Variants in COL22A1 observed in about 807,000 individuals in gnomAD.
The protein encoded by COL22A1 is collagen type XXII alpha 1 chain.
A neutral mutation model predicts 248.9 loss-of-function variants in COL22A1; 221 were observed. That is an observed-to-expected ratio of 0.89 (90% CI 0.80 to 0.99). The LOEUF is 0.99. Ranked by LOEUF, COL22A1 falls within the 50% of genes least tolerant of loss-of-function variation. COL22A1 has a pLI of 0.00. For synonymous variants in COL22A1, 891 were observed against 793.4 expected (o/e 1.12, Z -2.07); for missense variants, 2,240 against 2,179.0 (o/e 1.03, Z -0.56).
intron 35 of COL22A1, among the ~76,000 whole-genome samples, chr8:138,692,267 T>C (rs1423679088): frequency 2.4e-5 from 2 of 84,826 alleles, no homozygotes; most frequent in African/African-American, 4.4e-5. Context: ...CGTGTGTGCA[T>C]GTTTGTGTGC....
At chr8:138,720,079 C>A (rs1317792140) in intron 27 of COL22A1, among the ~76,000 whole-genome samples, 1 of 152,156 alleles carries the variant, frequency 6.6e-6, no homozygotes, top group Non-Finnish European at 1.5e-5. Flanking sequence ...GGGGCCTGGG[C>A]AAAGCATGAC....
chr8:138,768,165 A>G (rs1834057023), intron 16 of COL22A1, among the ~76,000 whole-genome samples: 1 of 152,088 alleles, frequency 6.6e-6, no homozygotes, highest in African/African-American at 2.4e-5. Flanking sequence ...GGTCTCCCCA[A>G]AATCCATTTC....
chr8:138,721,523 A>G (rs1829871370), intron 26 of COL22A1, among the ~76,000 whole-genome samples: 1 of 152,230 alleles, frequency 6.6e-6, no homozygotes, highest in Non-Finnish European at 1.5e-5. Context: ...ATCTCTTATT[A>G]TGTTAGTAAG....
At chr8:138,657,500 G>A (rs772429794) in intron 44 of COL22A1, among the ~76,000 whole-genome samples, 21 of 152,230 alleles carry the variant, frequency 1.4e-4, no homozygotes, top group Non-Finnish European at 2.9e-4. Flanking sequence ...AGAATGAGGA[G>A]TGGATTTTCA....
rs115162672 is a variant in COL22A1 at position 138,849,767 on chromosome 8, G to A, written c.659-5609C>T. 3.4e-3 allele frequency among the ~76,000 whole-genome samples: 517 copies of A among 152,300 alleles called. 1 individual carries two copies. The highest frequency in any genetic ancestry group is 0.012 in the African/African-American group (481 of 41,564). ...GCAACGGGAAGCCAAGGCTCAGAGA[G>A]GTTAAGTAATTTACCCAACATCACA... On this transcript the variant is annotated intron_variant, in intron 3 of 64. Coordinates refer to ENST00000303045, the MANE Select transcript of COL22A1 (RefSeq NM_152888.3).
In COL22A1 at chr8:138,606,283, CAGA is replaced by C. The variant is rs1818411802; in HGVS notation, c.4104+95_4104+97del. On this transcript the variant is annotated intron_variant, in intron 58 of 64. Coordinates refer to ENST00000303045, the MANE Select transcript of COL22A1 (RefSeq NM_152888.3). ...CACAGGTCATCATGGCCTGAGCAGACAGAACTGAGGACACAGGAGGTGGCAGGG... is the reference window on the plus strand; with the variant it reads ...CACAGGTCATCATGGCCTGAGCAGACACTGAGGACACAGGAGGTGGCAGGG... 2.7e-6 allele frequency: 3 copies of C among 1,118,954 alleles called. No homozygotes were observed. The African/African-American group carries it at 4.6e-5, about 17-fold the overall frequency. The allele number at this position is 1,118,954 out of a possible 1,614,324, so 69.3% of individuals were successfully genotyped here.
At chr8:138,664,359 T>C (rs1158261671) in intron 41 of COL22A1, among the ~76,000 whole-genome samples, 2 of 151,942 alleles carry the variant, frequency 1.3e-5, no homozygotes, top group Non-Finnish European at 2.9e-5. Context: ...TGCTGTTCAT[T>C]GATTGACTGG....
chr8:138,744,174 G>C (rs936554705), intron 22 of COL22A1, among the ~76,000 whole-genome samples: 14 of 152,148 alleles, frequency 9.2e-5, no homozygotes. Context: ...GAAAAGGCAG[G>C]AAAGAGATTT....
At chr8:138,883,723 C>T (rs1231359698) in intron 1 of COL22A1, among the ~76,000 whole-genome samples, 2 of 150,188 alleles carry the variant, frequency 1.3e-5, no homozygotes, top group Non-Finnish European at 3.0e-5. Flanking sequence ...CTCACATATT[C>T]GCTCTCCTGC....
chr8:138,642,036 T>C (rs1373170518), intron 47 of COL22A1, among the ~76,000 whole-genome samples: 3 of 152,200 alleles, frequency 2.0e-5, no homozygotes, highest in African/African-American at 7.2e-5. Flanking sequence ...CATTTAACCC[T>C]TCTGTGATGC....
At chr8:138,602,014 T>G (rs1587644598) in intron 60 of COL22A1, 101 bp downstream of exon 60, 29 of 1,204,926 alleles carry the variant, frequency 2.4e-5, no homozygotes, top group South Asian at 2.5e-5. Flanking sequence ...TCCAGGCGGG[T>G]GTTTACTAAC....
At chr8:138,807,713 C>T in intron 10 of COL22A1, 55 bp downstream of exon 10, 1 of 1,549,002 alleles carries the variant, frequency 6.5e-7, no homozygotes, top group Non-Finnish European at 8.9e-7. Flanking sequence ...ATATAGACAG[C>T]AAAGGAGAGG....
intron 5 of COL22A1, among the ~76,000 whole-genome samples, chr8:138,831,016 C>T (rs1172711426): frequency 1.3e-5 from 2 of 152,064 alleles, no homozygotes; most frequent in East Asian, 1.9e-4. Flanking sequence ...TGGCTGACAG[C>T]GATTATTGTC....
intron 3 of COL22A1, among the ~76,000 whole-genome samples, chr8:138,857,597 C>T (rs1216339592): frequency 6.6e-6 from 1 of 152,172 alleles, no homozygotes; most frequent in Non-Finnish European, 1.5e-5. Context: ...GCCACCCCAT[C>T]CCGAAAATCT....
At chr8:138,842,701 C>T (rs534353226) in intron 4 of COL22A1, among the ~76,000 whole-genome samples, 1 of 152,214 alleles carries the variant, frequency 6.6e-6, no homozygotes, top group South Asian at 2.1e-4. Context: ...TTGCAGCAGC[C>T]CAATAGCTCA....
chr8:138,796,121 G>A (rs1020415612), intron 12 of COL22A1, among the ~76,000 whole-genome samples: 6 of 152,010 alleles, frequency 3.9e-5, no homozygotes, highest in African/African-American at 1.5e-4. Context: ...GTAGAAAATG[G>A]CATTTTTAGT....
At chr8:138,757,332 G>A (rs895160982) in intron 18 of COL22A1, among the ~76,000 whole-genome samples, 1 of 151,916 alleles carries the variant, frequency 6.6e-6, no homozygotes, top group African/African-American at 2.4e-5. Flanking sequence ...GTGTGTGGAG[G>A]GAGAGAGAGA....
chr8:138,718,409 TA>T (rs141515589), intron 27 of COL22A1, among the ~76,000 whole-genome samples: 3 of 150,566 alleles, frequency 2.0e-5, no homozygotes, highest in East Asian at 1.9e-4. Context: ...GAGTTTGGTT[TA>T]AAAAAAAAAT....
At chr8:138,835,302 T>C (rs7001094) in intron 4 of COL22A1, among the ~76,000 whole-genome samples, 83,288 of 152,084 alleles carry the variant, frequency 0.55, 23,475 homozygotes, top group East Asian at 0.67. Flanking sequence ...TGATATTGGG[T>C]CCTAAAGATG....
Sources: allele counts gnomAD v4.1 joint callset (sites outside exome capture counted in the v4.1 genomes callset), GRCh38; gene constraint gnomAD v4.1.1; transcripts MANE v1.5; gene names NCBI Gene and HGNC (gene_info 2026-07-23, HGNC 2026-07-21).